The following SUSD5 variants were observed in gnomAD, a reference collection of about 807,000 sequenced individuals.
SUSD5 encodes the protein sushi domain-containing protein 5.
SUSD5 carries 33 observed loss-of-function variants against 29.5 expected under a neutral mutation model. The observed-to-expected ratio is 1.12, with a 90% CI of 0.85 to 1.49. The LOEUF (loss-of-function observed/expected upper bound fraction) is 1.49. Ranked by LOEUF, SUSD5 falls within the 40% of genes most tolerant of loss-of-function variation. The pLI is 0.00. For missense variants in SUSD5, 776 were observed against 800.6 expected (o/e 0.97, Z 0.37); for synonymous variants, 308 against 325.3 (o/e 0.95, Z 0.57).
chr3:33,204,361 C>T lies in SUSD5; in HGVS notation c.409+3447G>A, dbSNP rs1018582806. On this transcript the variant is annotated intron_variant, in intron 3 of 4. Transcript: ENST00000309558. This position sits in a 1 kb window ranked among gnomAD's most constrained non-coding sequence, Gnocchi z 4.5. The stretch of plus-strand genomic sequence containing the variant: ...TTTTTGAGACAGTCTTGTTCTGTCA[C>T]CCAGGGTGGAGTGCAGTGGTGCGAT... 1.3e-5 allele frequency among the ~76,000 whole-genome samples: 2 copies of T among 151,904 alleles called. No individual in the cohort carries two copies. The highest frequency in any genetic ancestry group is 6.6e-5 in the Admixed American group (1 of 15,258).
At chr3:33,188,016 T>A (rs187407907) in intron 3 of SUSD5, among the ~76,000 whole-genome samples, 11 of 152,292 alleles carry the variant, frequency 7.2e-5, no homozygotes, top group Admixed American at 7.2e-4. Context: ...AAGAGATATA[T>A]CTATTATTTT....
chr3:33,183,969 G>A (rs909213146), intron 3 of SUSD5, among the ~76,000 whole-genome samples: 7 of 71,192 alleles, frequency 9.8e-5, no homozygotes, highest in Admixed American at 3.8e-4. Flanking sequence ...ATGGAGTCTC[G>A]CTCTATCTCC....
At chr3:33,217,423 C>T (rs1400974788) in intron 1 of SUSD5, among the ~76,000 whole-genome samples, 1 of 152,126 alleles carries the variant, frequency 6.6e-6, no homozygotes, top group Non-Finnish European at 1.5e-5. Context: ...AATGAATATA[C>T]TAAAACCCAC....
intron 3 of SUSD5, among the ~76,000 whole-genome samples, chr3:33,195,983 G>T (rs144527238): frequency 1.7e-4 from 26 of 152,176 alleles, no homozygotes; most frequent in African/African-American, 5.5e-4. Context: ...TATCTCTTAG[G>T]ATTGTTACTA....
intron 1 of SUSD5, among the ~76,000 whole-genome samples, chr3:33,215,155 C>T (rs925802702): frequency 3.3e-5 from 5 of 151,872 alleles, no homozygotes; most frequent in Admixed American, 2.6e-4. Context: ...CTACATTTAA[C>T]TACAAAAAGG....
chr3:33,192,328 A>G (rs1164856503), intron 3 of SUSD5, among the ~76,000 whole-genome samples: 2 of 150,460 alleles, frequency 1.3e-5, no homozygotes, highest in African/African-American at 2.4e-5. Flanking sequence ...CCTGACCTCA[A>G]ATGATCAGCC....
intron 4 of SUSD5, among the ~76,000 whole-genome samples, chr3:33,160,849 GAATA>G (rs942554882): frequency 1.3e-5 from 2 of 151,932 alleles, no homozygotes; most frequent in African/African-American, 2.4e-5. Flanking sequence ...ACCTCAAGCA[GAATA>G]AATTCACATA....
At chr3:33,187,044 A>G (rs1459989168) in intron 3 of SUSD5, among the ~76,000 whole-genome samples, 1 of 152,184 alleles carries the variant, frequency 6.6e-6, no homozygotes, top group Non-Finnish European at 1.5e-5. Flanking sequence ...ACCAAATTCC[A>G]GCTGGTATCT....
chr3:33,199,262 A>C (rs991248951), intron 3 of SUSD5, among the ~76,000 whole-genome samples: 14 of 152,134 alleles, frequency 9.2e-5, no homozygotes, highest in African/African-American at 2.7e-4. Context: ...ACACATATAC[A>C]CAAAAATAAG....
At chr3:33,211,344 G>C (rs773889328) in intron 2 of SUSD5, among the ~76,000 whole-genome samples, 3 of 152,102 alleles carry the variant, frequency 2.0e-5, no homozygotes, top group Non-Finnish European at 4.4e-5. Context: ...AGTTGCAAGC[G>C]GTCTCTTCAG....
intron 3 of SUSD5, among the ~76,000 whole-genome samples, chr3:33,200,994 A>T (rs2032106237): frequency 6.6e-6 from 1 of 152,238 alleles, no homozygotes; most frequent in Non-Finnish European, 1.5e-5. Flanking sequence ...TTAAGCAAAA[A>T]GGAACCAGAA....
At position 33,210,362 on chromosome 3, in the gene SUSD5, C is replaced by T. The variant is rs114818166; in HGVS notation, c.291-2436G>A. On this transcript the variant is annotated intron_variant, in intron 2 of 4. Coordinates refer to ENST00000309558, the MANE Select transcript of SUSD5 (RefSeq NM_015551.2). ...TGCAAGGTCCCAACCCAAAGCAAAA[C>T]GGCTCACTGGGTCCCCTCCTACACA... is the stretch of plus-strand genomic sequence containing the variant. Among the ~76,000 whole-genome samples the T allele has an allele frequency of 1.6e-3, 246 of 152,302 alleles. 1 individual carries two copies. The highest frequency in any genetic ancestry group is 5.6e-3 in the African/African-American group (232 of 41,560).
At chr3:33,202,058 A>ATCTATCTATCTATCTG (rs1398226837) in intron 3 of SUSD5, among the ~76,000 whole-genome samples, 48 of 109,578 alleles carry the variant, frequency 4.4e-4, no homozygotes, top group African/African-American at 2.1e-3. Context: ...CTATCTATCT[A>ATCTATCTATCTATCTG]TCTGTCTATC....
At chr3:33,186,170 CA>C (rs1193273584) in intron 3 of SUSD5, among the ~76,000 whole-genome samples, 1 of 151,692 alleles carries the variant, frequency 6.6e-6, no homozygotes, top group Non-Finnish European at 1.5e-5. Flanking sequence ...GGCGTGGTGG[CA>C]GGCGCCTGTA....
At chr3:33,213,615 A>C (rs2032365274) in intron 2 of SUSD5, among the ~76,000 whole-genome samples, 1 of 151,944 alleles carries the variant, frequency 6.6e-6, no homozygotes, top group African/African-American at 2.4e-5. Flanking sequence ...CTCTACTAAA[A>C]ATACAAAAAT....
intron 1 of SUSD5, 95 bp downstream of exon 1, chr3:33,218,591 C>T: frequency 9.0e-7 from 1 of 1,116,706 alleles, no homozygotes; most frequent in Non-Finnish European, 1.1e-6. Context: ...TTGCCGCTTG[C>T]CGGGCCGGTC....
intron 3 of SUSD5, among the ~76,000 whole-genome samples, chr3:33,199,219 C>T (rs571335175): frequency 7.7e-4 from 91 of 118,240 alleles, no homozygotes; most frequent in Middle Eastern, 4.5e-3. Context: ...GAATTTCACA[C>T]ACACACACAC....
At chr3:33,187,423 C>T (rs978425890) in intron 3 of SUSD5, among the ~76,000 whole-genome samples, 3 of 152,198 alleles carry the variant, frequency 2.0e-5, no homozygotes, top group African/African-American at 7.2e-5. Flanking sequence ...ACAGGAAACA[C>T]ACTTCTGAGC....
chr3:33,186,395 G>A lies in SUSD5; in HGVS notation c.410-11321C>T, dbSNP rs186601040. ...GCTTTAAGCCACCCTGACTGGCCTC[G>A]CAGCTTGTAGTTTGGTAGCACTTTC... On this transcript the variant is annotated intron_variant, in intron 3 of 4. Transcript: ENST00000309558. 3.6e-4 allele frequency among the ~76,000 whole-genome samples: 55 copies of A among 151,244 alleles called. No homozygotes were observed. In the Middle Eastern group the frequency reaches 0.014, roughly 38 times the overall value.
Sources: gnomAD v4.1 joint callset for allele counts (sites outside exome capture counted in the v4.1 genomes callset) on GRCh38, gnomAD v4.1.1 for gene constraint, Gnocchi (gnomAD v3.1) non-coding constraint, MANE v1.5 for transcripts, NCBI Gene and HGNC (gene_info 2026-07-23, HGNC 2026-07-21) for gene names.